CTNNA3: variants seen among roughly 807,000 people sequenced by gnomAD.
CTNNA3 encodes catenin alpha 3, also known as catenin alpha-3.
A neutral mutation model predicts 95.7 loss-of-function variants in CTNNA3; 76 were observed. The observed-to-expected ratio is 0.79, with a 90% CI of 0.66 to 0.96. CTNNA3 has a LOEUF of 0.96. Among genes scored for constraint, CTNNA3 ranks in the 40% least tolerant of loss-of-function variants. The pLI is 0.00. For missense variants in CTNNA3, 1,191 were observed against 1,089.8 expected (o/e 1.09, Z -1.31); for synonymous variants, 431 against 374.4 (o/e 1.15, Z -1.74).
intron 7 of CTNNA3, among the ~76,000 whole-genome samples, chr10:66,929,143 G>C (rs1024026373): frequency 6.6e-5 from 10 of 152,184 alleles, no homozygotes; most frequent in Non-Finnish European, 5.9e-5. Context: ...AAAATGTAAA[G>C]TTTTCGACTC....
chr10:66,926,600 A>AT, intron 7 of CTNNA3: 2 of 1,613,790 alleles, frequency 1.2e-6, no homozygotes, highest in Admixed American at 3.3e-5. Context: ...ATGTTTTGTC[A>AT]TTTTTCTTCT....
At chr10:66,617,145 T>C (rs1348700707) in intron 10 of CTNNA3, among the ~76,000 whole-genome samples, 1 of 151,982 alleles carries the variant, frequency 6.6e-6, no homozygotes, top group East Asian at 1.9e-4. Context: ...TTATATATAA[T>C]AAAGGTAACA....
chr10:66,565,330 T>C (rs1842673342), intron 10 of CTNNA3, among the ~76,000 whole-genome samples: 3 of 152,060 alleles, frequency 2.0e-5, no homozygotes, highest in Admixed American at 6.6e-5. Context: ...GAGAAATAAG[T>C]AAAATGTGTA....
At chr10:66,601,281 A>G (rs1345215486) in intron 10 of CTNNA3, among the ~76,000 whole-genome samples, 2 of 152,094 alleles carry the variant, frequency 1.3e-5, no homozygotes, top group East Asian at 1.9e-4. Context: ...AGAAATTGAA[A>G]AAAAAGTAGT....
At chr10:67,253,257 C>T (rs1316667551) in intron 5 of CTNNA3, among the ~76,000 whole-genome samples, 31 of 152,142 alleles carry the variant, frequency 2.0e-4, no homozygotes, top group Non-Finnish European at 1.5e-5. Flanking sequence ...AGGAAAAGAT[C>T]ATTCACATCT....
At chr10:66,527,561 T>C (rs1841312384) in intron 10 of CTNNA3, among the ~76,000 whole-genome samples, 1 of 152,150 alleles carries the variant, frequency 6.6e-6, no homozygotes, top group Non-Finnish European at 1.5e-5. Context: ...TCTTTTCTGT[T>C]TTTTATGTCT....
chr10:65,998,673 T>C (rs890666414), intron 15 of CTNNA3, among the ~76,000 whole-genome samples: 1 of 152,200 alleles, frequency 6.6e-6, no homozygotes, highest in Non-Finnish European at 1.5e-5. Context: ...ATACAGTTGC[T>C]TAAGAAAAGA....
intron 12 of CTNNA3, among the ~76,000 whole-genome samples, chr10:66,368,832 TA>T (rs1246766725): frequency 1.3e-5 from 2 of 152,134 alleles, no homozygotes; most frequent in Non-Finnish European, 2.9e-5. Context: ...TCTTTTTACA[TA>T]AGCATTTTGA....
At chr10:66,270,772 C>G (rs1486801955) in intron 13 of CTNNA3, among the ~76,000 whole-genome samples, 1 of 151,980 alleles carries the variant, frequency 6.6e-6, no homozygotes. Context: ...TGTGCAGAGT[C>G]TTGGAAGAGA....
At chr10:66,009,396 A>C (rs1419330835) in intron 15 of CTNNA3, among the ~76,000 whole-genome samples, 2 of 152,222 alleles carry the variant, frequency 1.3e-5, no homozygotes, top group African/African-American at 2.4e-5. Context: ...GCTACAGAAC[A>C]AGTGACAGCA....
At chr10:66,831,968 C>CT (rs1159240770) in intron 7 of CTNNA3, among the ~76,000 whole-genome samples, 1 of 152,030 alleles carries the variant, frequency 6.6e-6, no homozygotes, top group Non-Finnish European at 1.5e-5. Flanking sequence ...AGAGCAAATC[C>CT]TTTATCAACA....
chr10:67,710,205 C>G (rs1023147985), intron 1 of CTNNA3, among the ~76,000 whole-genome samples: 1 of 152,066 alleles, frequency 6.6e-6, no homozygotes, highest in Admixed American at 6.5e-5. Flanking sequence ...AACAGCCCCA[C>G]CCAGACTGGC....
rs891335426 is a variant in CTNNA3, at chr10:65,919,411, T to A, written c.*919A>T. 10 of 152,224 alleles carry A rather than the reference T, an allele frequency of 6.6e-5. No homozygotes were observed. Among genetic ancestry groups the A allele is most frequent in the African/African-American group, 2.4e-4 (10 of 41,462 alleles). 9.4% of individuals were successfully genotyped at this position (152,224 alleles called of 1,614,324 possible). A position where few individuals can be genotyped will look rare whatever the true frequency, so the allele number is the denominator to read the frequency against. On this transcript the variant is annotated 3_prime_UTR_variant, in exon 18 of 18. Coordinates refer to ENST00000433211, the MANE Select transcript of CTNNA3 (RefSeq NM_013266.4). ...AGATTTTTCAAACTGCCATTTTCCT[T>A]TTAATTACAATTGCAAGCTGATAAA...
chr10:66,176,496 C>T (rs2085721305), intron 13 of CTNNA3, among the ~76,000 whole-genome samples: 1 of 152,028 alleles, frequency 6.6e-6, no homozygotes, highest in Non-Finnish European at 1.5e-5. Context: ...ACTTACTATT[C>T]TTTAAAAGTC....
chr10:67,315,737 T>C (rs957093255), intron 5 of CTNNA3, among the ~76,000 whole-genome samples: 1 of 152,084 alleles, frequency 6.6e-6, no homozygotes, highest in Non-Finnish European at 1.5e-5. Context: ...AAACAAAAAA[T>C]GTACTAAATC....
At position 66,147,322 on chromosome 10, in the gene CTNNA3, A is replaced by G. The variant is rs908900506; in HGVS notation, c.1885-44073T>C. 2.6e-5 allele frequency among the ~76,000 whole-genome samples: 4 copies of G among 152,162 alleles called. No individual in the cohort carries two copies. In the South Asian group the frequency reaches 8.3e-4, roughly 31 times the overall value. On this transcript the variant is annotated intron_variant, in intron 13 of 17. Transcript: ENST00000433211. The stretch of plus-strand genomic sequence containing the variant: ...AAAGTTTCTATTAGATTTTTAAAGT[A>G]CAGCTATAATTCATGTTGTTTGTAA...
At chr10:66,128,145 T>C (rs1244476955) in intron 13 of CTNNA3, among the ~76,000 whole-genome samples, 3 of 152,176 alleles carry the variant, frequency 2.0e-5, no homozygotes, top group Admixed American at 2.0e-4. Flanking sequence ...ACTAACAAGG[T>C]AGAACATTAA....
At chr10:66,833,982 C>T (rs952142002) in intron 7 of CTNNA3, among the ~76,000 whole-genome samples, 4 of 152,140 alleles carry the variant, frequency 2.6e-5, no homozygotes, top group Admixed American at 6.5e-5. Flanking sequence ...AGTTGTCTTG[C>T]CAAAATGTTA....
At chr10:66,106,585 G>C (rs190339475) in intron 13 of CTNNA3, among the ~76,000 whole-genome samples, 1 of 152,138 alleles carries the variant, frequency 6.6e-6, no homozygotes, top group Non-Finnish European at 1.5e-5. Flanking sequence ...AAGTTGTTGT[G>C]AGGCTCAGTT....
Sources: allele counts gnomAD v4.1 joint callset (sites outside exome capture counted in the v4.1 genomes callset), GRCh38; gene constraint gnomAD v4.1.1; transcripts MANE v1.5; gene names NCBI Gene and HGNC (gene_info 2026-07-23, HGNC 2026-07-21).